CCL28: variants seen among roughly 807,000 people sequenced by gnomAD.
CCL28 encodes the protein C-C motif chemokine 28.
In CCL28, 4 loss-of-function variants were observed where a neutral mutation model predicts 7.1. The observed-to-expected ratio is 0.56, with a 90% confidence interval of 0.28 to 1.29. CCL28 has a LOEUF of 1.29. Among genes scored for constraint, CCL28 ranks in the 50% most tolerant of loss-of-function variants. CCL28 has a pLI of 0.11. For synonymous variants in CCL28, 55 were observed against 57.8 expected, an observed-to-expected ratio of 0.95 and a Z score of 0.22; for missense variants, 151 against 163.4, an observed-to-expected ratio of 0.92 and a Z score of 0.41.
At chr5:43,382,792 G>T (rs373827069) in intron 2 of CCL28, among the ~76,000 whole-genome samples, 2 of 152,136 alleles carry the variant, frequency 1.3e-5, no homozygotes, top group South Asian at 4.2e-4. Flanking sequence ...AGTTCAGAAT[G>T]TGCTTTCATT....
chr5:43,376,696 G>C (rs1277554206), downstream of CCL28: 1 of 152,294 alleles, frequency 6.6e-6, no homozygotes, highest in Non-Finnish European at 1.5e-5. Context: ...GAGGTAGGAG[G>C]AGATTCTTAA....
chr5:43,410,421 C>T (rs1184888259), intron 1 of CCL28, among the ~76,000 whole-genome samples: 1 of 152,186 alleles, frequency 6.6e-6, no homozygotes, highest in Non-Finnish European at 1.5e-5. Flanking sequence ...TGTGATTTTC[C>T]TGTGGCCTAA....
chr5:43,409,861 T>C (rs1271109141), intron 1 of CCL28, among the ~76,000 whole-genome samples: 1 of 152,074 alleles, frequency 6.6e-6, no homozygotes, highest in Non-Finnish European at 1.5e-5. Flanking sequence ...TAGACATGTT[T>C]ATGGATTCAG....
chr5:43,383,376 T>C (rs1203009407), intron 2 of CCL28, among the ~76,000 whole-genome samples: 1 of 152,130 alleles, frequency 6.6e-6, no homozygotes, highest in Non-Finnish European at 1.5e-5. Context: ...GAGAATAAGC[T>C]GCTATTTTTC....
chr5:43,379,046 AG>A (rs1372347353), downstream of CCL28: 4 of 152,202 alleles, frequency 2.6e-5, no homozygotes, highest in African/African-American at 4.8e-5. Flanking sequence ...TTTGCGTGGC[AG>A]AAAAATCAGT....
chr5:43,394,141 T>C (rs1740703875), intron 1 of CCL28, among the ~76,000 whole-genome samples: 1 of 152,224 alleles, frequency 6.6e-6, no homozygotes, highest in African/African-American at 2.4e-5. Flanking sequence ...AGTTTACACA[T>C]ACACATAGGT....
At chr5:43,387,095 C>G (rs2111745165) in intron 2 of CCL28, among the ~76,000 whole-genome samples, 1 of 152,340 alleles carries the variant, frequency 6.6e-6, no homozygotes, top group East Asian at 1.9e-4. Flanking sequence ...CTAGCATCAC[C>G]TGGAGCCACA....
At chr5:43,406,611 C>T (rs1741293192) in intron 1 of CCL28, among the ~76,000 whole-genome samples, 1 of 152,190 alleles carries the variant, frequency 6.6e-6, no homozygotes, top group Admixed American at 6.5e-5. Flanking sequence ...CCTCTCTCAC[C>T]TTCCTATTCA....
At chr5:43,405,033 G>A (rs1022715663) in intron 1 of CCL28, among the ~76,000 whole-genome samples, 1 of 152,118 alleles carries the variant, frequency 6.6e-6, no homozygotes, top group Non-Finnish European at 1.5e-5. Flanking sequence ...CCTACAAAGA[G>A]ACTTAGACTC....
At chr5:43,389,880 A>G (rs1363709525) in intron 1 of CCL28, among the ~76,000 whole-genome samples, 1 of 152,234 alleles carries the variant, frequency 6.6e-6, no homozygotes, top group Non-Finnish European at 1.5e-5. Context: ...ATGGGAAGTT[A>G]GGCAATGGAG....
chr5:43,401,947 G>A (rs1447038089), intron 1 of CCL28, among the ~76,000 whole-genome samples: 2 of 152,162 alleles, frequency 1.3e-5, no homozygotes, highest in East Asian at 1.9e-4. Context: ...CTCTCATCAG[G>A]TTCCTGTAGA....
chr5:43,404,198 C>A (rs1316256690), intron 1 of CCL28, among the ~76,000 whole-genome samples: 5 of 152,112 alleles, frequency 3.3e-5, no homozygotes, highest in Non-Finnish European at 7.4e-5. Context: ...CTCTGAGACA[C>A]ATAATTGTCA....
intron 1 of CCL28, among the ~76,000 whole-genome samples, chr5:43,397,744 C>T (rs1056115426): frequency 6.6e-6 from 1 of 152,088 alleles, no homozygotes; most frequent in Non-Finnish European, 1.5e-5. Context: ...GTGAAGTGAA[C>T]TTTTTTATCT....
At chr5:43,405,147 C>CA (rs1410378560) in intron 1 of CCL28, among the ~76,000 whole-genome samples, 1 of 152,150 alleles carries the variant, frequency 6.6e-6, no homozygotes, top group Admixed American at 6.5e-5. Flanking sequence ...AGATGTGCAC[C>CA]AAGCAGACCT....
intron 1 of CCL28, among the ~76,000 whole-genome samples, chr5:43,401,807 G>C (rs1305447850): frequency 2.0e-5 from 3 of 152,156 alleles, no homozygotes; most frequent in African/African-American, 7.2e-5. Flanking sequence ...TTAATTTCCT[G>C]TTCTATGAAA....
At chr5:43,402,072 C>T (rs764960228) in intron 1 of CCL28, among the ~76,000 whole-genome samples, 2 of 152,166 alleles carry the variant, frequency 1.3e-5, no homozygotes, top group Non-Finnish European at 2.9e-5. Context: ...CTTTCCCCTG[C>T]AAACTAGAAG....
chr5:43,391,947 A>G (rs1740589616), intron 1 of CCL28, among the ~76,000 whole-genome samples: 1 of 152,030 alleles, frequency 6.6e-6, no homozygotes, highest in African/African-American at 2.4e-5. Flanking sequence ...TTTTGGTTAT[A>G]CTTTATTTGC....
chr5:43,390,584 G>A (rs1740530954), intron 1 of CCL28, among the ~76,000 whole-genome samples: 2 of 152,228 alleles, frequency 1.3e-5, no homozygotes. Context: ...CTGAGAAGCA[G>A]GCACTGAGGT....
At chr5:43,385,270 GTT>G (rs1322100936) in intron 2 of CCL28, among the ~76,000 whole-genome samples, 1 of 152,194 alleles carries the variant, frequency 6.6e-6, no homozygotes, top group Non-Finnish European at 1.5e-5. Flanking sequence ...CTGTAGAGGA[GTT>G]TGAACAAGAA....
Sources: allele counts gnomAD v4.1 joint callset (sites outside exome capture counted in the v4.1 genomes callset), GRCh38; gene constraint gnomAD v4.1.1; transcripts MANE v1.5; gene names NCBI Gene and HGNC (gene_info 2026-07-23, HGNC 2026-07-21).